SDK1: variants seen among roughly 807,000 people sequenced by gnomAD.
SDK1 encodes protein sidekick-1.
SDK1 carries 157 observed loss-of-function variants against 245.5 expected under a neutral mutation model. The ratio of observed to expected loss-of-function variants is 0.64; its 90% CI spans 0.56 to 0.73. SDK1 has a LOEUF of 0.73. Among genes scored for constraint, SDK1 ranks in the 30% least tolerant of loss-of-function variants. The probability of loss-of-function intolerance (pLI) is 0.00; values close to 1 mark genes in which losing one functional copy is unlikely to be tolerated. For synonymous variants in SDK1, 1,647 were observed against 1,278.5 expected (o/e 1.29, Z -6.15); for missense variants, 3,583 against 3,002.3 (o/e 1.19, Z -4.52).
chr7:3,357,053 G>GAAAAAA, intron 1 of SDK1, among the ~76,000 whole-genome samples: 1 of 81,286 alleles, frequency 1.2e-5, no homozygotes, highest in Non-Finnish European at 2.3e-5. Context: ...AGACTCTCTC[G>GAAAAAA]AAAAAAAAAA....
chr7:3,399,713 A>G (rs531347764), intron 1 of SDK1, among the ~76,000 whole-genome samples: 1 of 152,210 alleles, frequency 6.6e-6, no homozygotes, highest in African/African-American at 2.4e-5. Flanking sequence ...ATGATTGGAC[A>G]CAAATCCCTT....
chr7:4,043,015 A>C (rs1395572639), intron 17 of SDK1, among the ~76,000 whole-genome samples: 3 of 152,268 alleles, frequency 2.0e-5, no homozygotes, highest in African/African-American at 7.2e-5. Flanking sequence ...CTGAGGCTTT[A>C]GAACCTCCCT....
intron 35 of SDK1, among the ~76,000 whole-genome samples, chr7:4,186,502 C>A (rs1373574949): frequency 6.6e-6 from 1 of 152,208 alleles, no homozygotes. Context: ...CCTGTGGCCT[C>A]GTGGTTCCCT....
intron 5 of SDK1, among the ~76,000 whole-genome samples, chr7:3,938,806 A>G (rs1218011891): frequency 1.3e-5 from 2 of 152,208 alleles, no homozygotes; most frequent in African/African-American, 4.8e-5. Flanking sequence ...CCTGAACTAA[A>G]TAAACAAATC....
chr7:3,804,211 T>C (rs1326711508), intron 4 of SDK1, among the ~76,000 whole-genome samples: 1 of 152,226 alleles, frequency 6.6e-6, no homozygotes, highest in Non-Finnish European at 1.5e-5. Context: ...TCCTAAAAAT[T>C]TTACAGTTTT....
At chr7:4,259,213 C>T (rs1787815187) in intron 44 of SDK1, among the ~76,000 whole-genome samples, 1 of 152,114 alleles carries the variant, frequency 6.6e-6, no homozygotes, top group Non-Finnish European at 1.5e-5. Context: ...CCGAGGTGGG[C>T]AAATCAGCTG....
At chr7:3,770,475 G>A (rs1252314841) in intron 4 of SDK1, among the ~76,000 whole-genome samples, 1 of 152,192 alleles carries the variant, frequency 6.6e-6, no homozygotes, top group Non-Finnish European at 1.5e-5. Flanking sequence ...TCAGAGTATA[G>A]TTGCTGCGTT....
chr7:3,485,704 T>TTTTTTTTTTTTTTC, intron 1 of SDK1, among the ~76,000 whole-genome samples: 1 of 146,224 alleles, frequency 6.8e-6, no homozygotes, highest in South Asian at 2.2e-4. Flanking sequence ...TTTTTTTTTT[T>TTTTTTTTTTTTTTC]TGAGCCATCT....
chr7:3,746,769 A>G (rs1779635194), intron 4 of SDK1, among the ~76,000 whole-genome samples: 1 of 152,190 alleles, frequency 6.6e-6, no homozygotes, highest in Admixed American at 6.5e-5. Flanking sequence ...CCACATCTGC[A>G]CTTACTTCTT....
chr7:4,189,815 T>C (rs781527670), intron 35 of SDK1, among the ~76,000 whole-genome samples: 4 of 152,192 alleles, frequency 2.6e-5, no homozygotes, highest in Non-Finnish European at 5.9e-5. Flanking sequence ...TAAAATCAGT[T>C]GGTGGCTTTA....
At chr7:3,476,851 G>C (rs748611169) in intron 1 of SDK1, among the ~76,000 whole-genome samples, 1 of 152,170 alleles carries the variant, frequency 6.6e-6, no homozygotes, top group Non-Finnish European at 1.5e-5. Context: ...GGTGGTATTC[G>C]TGACTATTAA....
At chr7:3,431,914 T>C (rs1230624763) in intron 1 of SDK1, among the ~76,000 whole-genome samples, 1 of 152,062 alleles carries the variant, frequency 6.6e-6, no homozygotes, top group Non-Finnish European at 1.5e-5. Flanking sequence ...AGATTCTCCC[T>C]AGAATTCCTT....
chr7:3,773,473 T>C (rs1020104498), intron 4 of SDK1, among the ~76,000 whole-genome samples: 1 of 152,204 alleles, frequency 6.6e-6, no homozygotes, highest in African/African-American at 2.4e-5. Context: ...CTTTATTTCT[T>C]TGAGCATCTT....
intron 1 of SDK1, among the ~76,000 whole-genome samples, chr7:3,381,863 C>G (rs1781496484): frequency 6.6e-6 from 1 of 152,116 alleles, no homozygotes; most frequent in South Asian, 2.1e-4. Context: ...CTGTAGAGTG[C>G]CATTATCTTA....
intron 4 of SDK1, among the ~76,000 whole-genome samples, chr7:3,683,808 T>C (rs1784189717): frequency 6.6e-6 from 1 of 152,154 alleles, no homozygotes; most frequent in African/African-American, 2.4e-5. Flanking sequence ...TGTAAAAACC[T>C]CTAATCTGGA....
At chr7:3,367,084 A>G (rs149617595) in intron 1 of SDK1, among the ~76,000 whole-genome samples, 1 of 152,250 alleles carries the variant, frequency 6.6e-6, no homozygotes, top group East Asian at 1.9e-4. Context: ...TTTATTTGGA[A>G]GATAAGTTGT....
chr7:3,859,762 C>T (rs1025777765), intron 5 of SDK1, among the ~76,000 whole-genome samples: 10 of 152,326 alleles, frequency 6.6e-5, no homozygotes, highest in African/African-American at 2.4e-4. Context: ...ACACTGCCCA[C>T]CACACCTGTG....
intron 28 of SDK1, among the ~76,000 whole-genome samples, chr7:4,137,492 G>A (rs1021932936): frequency 7.9e-5 from 12 of 152,142 alleles, no homozygotes; most frequent in South Asian, 2.1e-4. Flanking sequence ...GGCCCGTGGC[G>A]CAGTCCCTTT....
In SDK1 at chr7:4,051,727, G is replaced by C; in HGVS notation, c.2808G>C (p.Thr936=). The change falls in exon 19 of 45, where the codon ACG becomes ACC. Residue 936 remains threonine, a synonymous_variant. Coordinates refer to ENST00000404826, the MANE Select transcript of SDK1 (RefSeq NM_152744.4). ...DFHGVHHGHI[T]NLKKFTAYFT... ...ACGGAGTCCACCATGGACACATAACGAACCTGAAGAAGTTTACCGCCTACT... is the reference window on the plus strand; with the variant it reads ...ACGGAGTCCACCATGGACACATAACCAACCTGAAGAAGTTTACCGCCTACT... 1 of 1,613,874 alleles carries C rather than the reference G, an allele frequency of 6.2e-7. No homozygotes were observed. The highest frequency in any genetic ancestry group is 1.3e-5 in the African/African-American group (1 of 74,986).
Sources: allele counts gnomAD v4.1 joint callset (sites outside exome capture counted in the v4.1 genomes callset), GRCh38; gene constraint gnomAD v4.1.1; transcripts MANE v1.5; gene names NCBI Gene and HGNC (gene_info 2026-07-23, HGNC 2026-07-21).